Variants in PPFIA2 observed in about 807,000 individuals in gnomAD.
PPFIA2 encodes PPFI scaffold protein A2.
A neutral mutation model predicts 175.5 loss-of-function variants in PPFIA2; 46 were observed. That is an observed-to-expected ratio of 0.26 (90% CI 0.21 to 0.34). The LOEUF is 0.34. Ranked by LOEUF, PPFIA2 falls within the 10% of genes least tolerant of loss-of-function variation. The probability of loss-of-function intolerance (pLI) is 1.00; values close to 1 mark genes in which losing one functional copy is unlikely to be tolerated. For synonymous variants in PPFIA2, 568 were observed against 511.4 expected (o/e 1.11, Z -1.49); for missense variants, 1,179 against 1,506.1 (o/e 0.78, Z 3.60).
At chr12:81,365,479 T>C (rs1595623117) in intron 14 of PPFIA2, among the ~76,000 whole-genome samples, 1 of 151,326 alleles carries the variant, frequency 6.6e-6, no homozygotes, top group South Asian at 2.1e-4. Context: ...GGTGGGGGAG[T>C]GGGTTCTGGG....
At chr12:81,310,248 C>A (rs1327795516) in intron 22 of PPFIA2, among the ~76,000 whole-genome samples, 1 of 152,106 alleles carries the variant, frequency 6.6e-6, no homozygotes, top group Admixed American at 6.5e-5. Context: ...AATTTAAACT[C>A]TATCTTCTGA....
At chr12:81,575,152 TTGA>T (rs1269756479) in intron 4 of PPFIA2, among the ~76,000 whole-genome samples, 3 of 151,860 alleles carry the variant, frequency 2.0e-5, no homozygotes, top group African/African-American at 7.2e-5. Flanking sequence ...TATCTTGTTG[TTGA>T]TTTGTAAATG....
chr12:81,659,277 C>T (rs924894241), intron 4 of PPFIA2, among the ~76,000 whole-genome samples: 12 of 152,128 alleles, frequency 7.9e-5, no homozygotes, highest in Non-Finnish European at 1.5e-4. Context: ...TCACCTCACC[C>T]GGGAAGCGCA....
chr12:81,350,824 T>C (rs2059882477), intron 17 of PPFIA2, among the ~76,000 whole-genome samples: 1 of 152,072 alleles, frequency 6.6e-6, no homozygotes, highest in African/African-American at 2.4e-5. Context: ...AAAACTATTC[T>C]AAAGTGCAGT....
At chr12:81,642,703 T>TGTATATATAATATATACATAC in intron 4 of PPFIA2, among the ~76,000 whole-genome samples, 1 of 13,934 alleles carries the variant, frequency 7.2e-5, no homozygotes, top group South Asian at 3.9e-3. Context: ...CATACATGTA[T>TGTATATATAATATATACATAC]ATGTATGTAT....
At chr12:81,616,277 GCTAA>G (rs1311829693) in intron 4 of PPFIA2, among the ~76,000 whole-genome samples, 1 of 152,034 alleles carries the variant, frequency 6.6e-6, no homozygotes, top group African/African-American at 2.4e-5. Flanking sequence ...CACAAAATCT[GCTAA>G]CTAATATTTC....
chr12:81,327,826 C>T (rs1566171604), intron 21 of PPFIA2, among the ~76,000 whole-genome samples: 1 of 151,920 alleles, frequency 6.6e-6, no homozygotes, highest in Non-Finnish European at 1.5e-5. Flanking sequence ...TAAATCTAGA[C>T]ATTTTATTTT....
At chr12:81,469,984 A>T (rs1265743173) in intron 4 of PPFIA2, among the ~76,000 whole-genome samples, 1 of 152,230 alleles carries the variant, frequency 6.6e-6, no homozygotes. Flanking sequence ...ATCCATGCTG[A>T]AACTCTGATC....
At chr12:81,505,404 T>G (rs960253194) in intron 4 of PPFIA2, among the ~76,000 whole-genome samples, 2 of 152,160 alleles carry the variant, frequency 1.3e-5, no homozygotes, top group African/African-American at 2.4e-5. Flanking sequence ...GGCAAAGACA[T>G]AGAAAATCTT....
chr12:81,340,939 G>T, intron 20 of PPFIA2, 139 bp downstream of exon 20: 1 of 920,786 alleles, frequency 1.1e-6, no homozygotes, highest in Non-Finnish European at 1.5e-6. Context: ...TATTTCACAA[G>T]TGATACTGGG....
At chr12:81,515,961 A>G (rs2062375809) in intron 4 of PPFIA2, among the ~76,000 whole-genome samples, 1 of 121,120 alleles carries the variant, frequency 8.3e-6, no homozygotes, top group Non-Finnish European at 1.7e-5. Flanking sequence ...TTAAACTCCC[A>G]GCATGCCAAA....
At chr12:81,412,335 CA>C (rs35342063) in intron 7 of PPFIA2, among the ~76,000 whole-genome samples, 13,893 of 96,268 alleles carry the variant, frequency 0.14, 564 homozygotes, top group African/African-American at 0.24. Flanking sequence ...GTTAAGGAGG[CA>C]AAAAAAAAAA....
At chr12:81,325,301 A>C (rs2139776239) in intron 22 of PPFIA2, among the ~76,000 whole-genome samples, 1 of 152,222 alleles carries the variant, frequency 6.6e-6, no homozygotes, top group Middle Eastern at 3.4e-3. Flanking sequence ...GAATGAAAAG[A>C]TACACTATCA....
intron 4 of PPFIA2, among the ~76,000 whole-genome samples, chr12:81,559,870 C>A (rs2069647199): frequency 6.6e-6 from 1 of 151,434 alleles, no homozygotes; most frequent in Admixed American, 6.6e-5. Flanking sequence ...AATAATTTGA[C>A]ACACATCGTT....
At chr12:81,415,242 T>A in intron 7 of PPFIA2, among the ~76,000 whole-genome samples, 1 of 94,782 alleles carries the variant, frequency 1.1e-5, no homozygotes, top group Non-Finnish European at 2.1e-5. Flanking sequence ...TATATATATA[T>A]ATATATATAT....
chr12:81,277,476 T>A (rs1284053450), intron 27 of PPFIA2, 62 bp from the exon 28 acceptor site: 4 of 1,429,666 alleles, frequency 2.8e-6, no homozygotes, highest in Non-Finnish European at 3.6e-6. Context: ...GGAGAAAGTT[T>A]TGTGATTAGC....
intron 2 of PPFIA2, among the ~76,000 whole-genome samples, chr12:81,756,999 A>C (rs1482675606): frequency 6.6e-6 from 1 of 152,186 alleles, no homozygotes; most frequent in Non-Finnish European, 1.5e-5. Context: ...AGAAAAAAAT[A>C]GTCTACAAAA....
intron 7 of PPFIA2, among the ~76,000 whole-genome samples, chr12:81,436,459 CT>C (rs1566822594): frequency 1.3e-5 from 2 of 151,832 alleles, no homozygotes; most frequent in South Asian, 2.1e-4. Context: ...AAAATTTGCT[CT>C]TTTTTTAAAA....
At chr12:81,583,735 T>A (rs2074763532) in intron 4 of PPFIA2, among the ~76,000 whole-genome samples, 1 of 151,734 alleles carries the variant, frequency 6.6e-6, no homozygotes, top group South Asian at 2.1e-4. Context: ...GGGAATGGCA[T>A]CCCTAAAGAT....
Sources: gnomAD v4.1 joint callset for allele counts (sites outside exome capture counted in the v4.1 genomes callset) on GRCh38, gnomAD v4.1.1 for gene constraint, MANE v1.5 for transcripts, NCBI Gene and HGNC (gene_info 2026-07-23, HGNC 2026-07-21) for gene names.